FRMPD1: variants seen among roughly 807,000 people sequenced by gnomAD.
The protein encoded by FRMPD1 is FERM and PDZ domain-containing protein 1.
A neutral mutation model predicts 117.8 loss-of-function variants in FRMPD1; 76 were observed. The observed-to-expected ratio is 0.65, with a 90% CI of 0.54 to 0.78. The LOEUF is 0.78. FRMPD1 is among the 30% of genes least tolerant of loss of function. FRMPD1 has a pLI of 0.00. For missense variants in FRMPD1, 1,786 were observed against 1,964.5 expected (o/e 0.91, Z 1.72); for synonymous variants, 783 against 770.4 (o/e 1.02, Z -0.27).
chr9:37,713,896 TG>T (rs998476751), intron 5 of FRMPD1, among the ~76,000 whole-genome samples: 1 of 152,204 alleles, frequency 6.6e-6, no homozygotes, highest in African/African-American at 2.4e-5. Flanking sequence ...GGAAGCACAG[TG>T]GAACAAAGGT....
chr9:37,736,578 C>G (rs1485048764), intron 13 of FRMPD1, among the ~76,000 whole-genome samples: 1 of 151,614 alleles, frequency 6.6e-6, no homozygotes, highest in African/African-American at 2.4e-5. Context: ...CCTCCTGAGC[C>G]TCTCTCAAAG....
the FRMPD1 span, among the ~76,000 whole-genome samples, chr9:37,605,095 G>A: frequency 2.0e-5 from 3 of 151,958 alleles, no homozygotes; most frequent in African/African-American, 4.8e-5. Flanking sequence ...GTTAGTCACC[G>A]TGCTTCAGTG....
chr9:37,685,760 C>G (rs778547844), intron 1 of FRMPD1, among the ~76,000 whole-genome samples: 1 of 152,174 alleles, frequency 6.6e-6, no homozygotes, highest in Non-Finnish European at 1.5e-5. Flanking sequence ...TCAACTGATT[C>G]TGTGCCTGAC....
intron 1 of FRMPD1, among the ~76,000 whole-genome samples, chr9:37,689,756 T>C (rs1376316603): frequency 6.6e-6 from 1 of 152,170 alleles, no homozygotes; most frequent in East Asian, 1.9e-4. Flanking sequence ...AAAAATGTCT[T>C]TTGTACTTGA....
intron 2 of FRMPD1, among the ~76,000 whole-genome samples, chr9:37,696,616 A>G (rs1280464680): frequency 1.3e-5 from 2 of 152,248 alleles, no homozygotes; most frequent in African/African-American, 4.8e-5. Context: ...TGTTAGAAAT[A>G]GATTGCAAAC....
At chr9:37,672,692 G>A (rs946945245) in intron 1 of FRMPD1, among the ~76,000 whole-genome samples, 1 of 152,062 alleles carries the variant, frequency 6.6e-6, no homozygotes, top group Admixed American at 6.6e-5. Flanking sequence ...AGACATACCC[G>A]AGACTGGGAA....
chr9:37,630,509 T>C, the FRMPD1 span, among the ~76,000 whole-genome samples: 6 of 152,072 alleles, frequency 3.9e-5, no homozygotes, highest in African/African-American at 1.4e-4. Flanking sequence ...GCCTCCAGAG[T>C]AGCTGGGATT....
rs140858467 is a variant in FRMPD1 at position 37,730,356 on chromosome 9, G to C, written c.738+503G>C. 1.7e-3 allele frequency among the ~76,000 whole-genome samples: 261 copies of C among 152,306 alleles called. 8 individuals are homozygous for C. The East Asian group carries it at 0.034, about 20-fold the overall frequency. ...TAATATGTTGTACCAACTTTTTAAA[G>C]CTAAACACAGGTTAGTTCAACAAAT... is the stretch of plus-strand genomic sequence containing the variant. On this transcript the variant is annotated intron_variant, in intron 8 of 15. Transcript: ENST00000377765.
chr9:37,616,303 G>T, the FRMPD1 span, among the ~76,000 whole-genome samples: 1 of 151,366 alleles, frequency 6.6e-6, no homozygotes. Flanking sequence ...TTTTAGTAAA[G>T]ACGGGGTTTC....
rs773366594 is a variant in FRMPD1, at chr9:37,745,033, C to T, written c.3001C>T (p.Pro1001Ser). 1 of 1,614,132 alleles carries T rather than the reference C, an allele frequency of 6.2e-7. No homozygotes were observed. Residue 1001 changes from proline (P) to serine (S), a missense_variant, in exon 16 of 16, where the codon CCC becomes TCC. Pro to Ser is a moderately conservative substitution (Grantham distance 74, BLOSUM62 -1). Coordinates refer to ENST00000377765, the MANE Select transcript of FRMPD1 (RefSeq NM_014907.3). Reference protein sequence around the residue: ...PLSQDLDGIAPKEPTIEHGDS... With the variant: ...PLSQDLDGIASKEPTIEHGDS... Reference sequence around the variant, plus strand: ...ATCTCAAGACCTGGATGGGATTGCCCCCAAAGAACCAACCATAGAGCATGG... The same window carrying T: ...ATCTCAAGACCTGGATGGGATTGCCTCCAAAGAACCAACCATAGAGCATGG...
intron 1 of FRMPD1, among the ~76,000 whole-genome samples, chr9:37,685,569 G>A (rs557494913): frequency 9.2e-5 from 14 of 152,058 alleles, no homozygotes; most frequent in East Asian, 3.9e-4. Context: ...GGAGAATGGC[G>A]TGAACCCATG....
chr9:37,737,583 T>C (rs1318624519), intron 14 of FRMPD1, among the ~76,000 whole-genome samples: 1 of 152,058 alleles, frequency 6.6e-6, no homozygotes, highest in Non-Finnish European at 1.5e-5. Flanking sequence ...CAGCACTTTG[T>C]GAAGCTGAGG....
At chr9:37,697,834 C>T (rs766825398) in intron 2 of FRMPD1, among the ~76,000 whole-genome samples, 9 of 151,900 alleles carry the variant, frequency 5.9e-5, no homozygotes, top group Admixed American at 2.0e-4. Context: ...ACCAGTTCTT[C>T]GGCTGGGCGT....
At chr9:37,619,843 C>G in the FRMPD1 span, among the ~76,000 whole-genome samples, 1 of 150,972 alleles carries the variant, frequency 6.6e-6, no homozygotes, top group Admixed American at 6.6e-5. Flanking sequence ...GGTGGATTAG[C>G]TTGATATAGT....
chr9:37,686,581 T>G (rs921468566), intron 1 of FRMPD1, among the ~76,000 whole-genome samples: 1 of 152,250 alleles, frequency 6.6e-6, no homozygotes, highest in African/African-American at 2.4e-5. Flanking sequence ...AATGGCTTGG[T>G]TGATGTAGGC....
chr9:37,656,048 A>G (rs1820833692), intron 1 of FRMPD1, among the ~76,000 whole-genome samples: 1 of 152,190 alleles, frequency 6.6e-6, no homozygotes, highest in South Asian at 2.1e-4. Context: ...GTGTGCGGTC[A>G]CTTGTGTATG....
rs1237813961 is a variant in FRMPD1 at position 37,740,753 on chromosome 9, G to A, written c.2225G>A (p.Trp742Ter). The change falls in exon 15 of 16, where the codon TGG (tryptophan) becomes TAG (stop). Residue 742 changes from tryptophan (W) to a stop codon, truncating the protein, a stop_gained. Coordinates refer to ENST00000377765, the MANE Select transcript of FRMPD1 (RefSeq NM_014907.3). LOFTEE classifies it high-confidence loss of function. The surrounding 1 kb of genome is among the most constrained non-coding windows in gnomAD (Gnocchi z 4.2). ...CCGCCAGCCTGGGGTCAGCAGGGCT[G>A]GACTGAGGCCCAGCCCAGTTCCATG... ...GAPPAWGQQG[W>*]TEAQPSSMLE... 1 of 1,614,178 alleles carries A rather than the reference G, an allele frequency of 6.2e-7. No homozygotes were observed. The highest frequency in any genetic ancestry group is 1.7e-5 in the Admixed American group (1 of 60,018).
chr9:37,607,583 A>T, the FRMPD1 span, among the ~76,000 whole-genome samples: 1 of 152,324 alleles, frequency 6.6e-6, no homozygotes, highest in Non-Finnish European at 1.5e-5. Flanking sequence ...ATGTGACCTT[A>T]GTCATCTATT....
chr9:37,661,845 A>T, intron 1 of FRMPD1: 1 of 152,544 alleles, frequency 6.6e-6, no homozygotes, highest in Non-Finnish European at 1.5e-5. Context: ...GCAGGGGAGC[A>T]CAGCTACTCG....
Sources: gnomAD v4.1 joint callset for allele counts (sites outside exome capture counted in the v4.1 genomes callset) on GRCh38, gnomAD v4.1.1 for gene constraint, Gnocchi (gnomAD v3.1) non-coding constraint, MANE v1.5 for transcripts, NCBI Gene and HGNC (gene_info 2026-07-23, HGNC 2026-07-21) for gene names.